CELF2: variants seen among roughly 807,000 people sequenced by gnomAD.
CELF2 encodes CUG triplet repeat RNA-binding protein 2.
In CELF2, 8 loss-of-function variants were observed where a neutral mutation model predicts 62.6. The ratio of observed to expected loss-of-function variants is 0.13; its 90% CI spans 0.07 to 0.23. CELF2 has a LOEUF of 0.23. Among genes scored for constraint, CELF2 ranks in the 10% least tolerant of loss-of-function variants. The probability of loss-of-function intolerance (pLI) is 1.00; values close to 1 mark genes in which losing one functional copy is unlikely to be tolerated. For missense variants in CELF2, 333 were observed against 671.0 expected (o/e 0.50, Z 5.56); for synonymous variants, 258 against 250.0 (o/e 1.03, Z -0.30).
chr10:10,956,736 G>A (rs1462400673), intron 2 of CELF2, among the ~76,000 whole-genome samples: 1 of 151,976 alleles, frequency 6.6e-6, no homozygotes, highest in Non-Finnish European at 1.5e-5. Flanking sequence ...AAACCAGCTT[G>A]GGCAACATAG....
At chr10:10,924,956 A>G (rs898695871) in intron 2 of CELF2, 11 of 152,318 alleles carry the variant, frequency 7.2e-5, no homozygotes, top group African/African-American at 2.6e-4. Flanking sequence ...TTTGTTATCT[A>G]AAATTTGAAC....
chr10:10,665,099 C>A, the CELF2 span, among the ~76,000 whole-genome samples: 1 of 152,090 alleles, frequency 6.6e-6, no homozygotes, highest in Admixed American at 6.5e-5. Flanking sequence ...TATTTGGGCC[C>A]CAGAGCCCCT....
chr10:10,638,684 A>C, the CELF2 span, among the ~76,000 whole-genome samples: 1 of 152,200 alleles, frequency 6.6e-6, no homozygotes, highest in Non-Finnish European at 1.5e-5. Context: ...GAGGAGCACA[A>C]GTCATTAGCC....
chr10:11,258,343 A>T (rs1422377870), intron 5 of CELF2, among the ~76,000 whole-genome samples: 1 of 152,102 alleles, frequency 6.6e-6, no homozygotes, highest in Non-Finnish European at 1.5e-5. Context: ...GCAGATAGGG[A>T]TGTAGGGTAA....
chr10:10,924,420 T>G (rs2065250008), intron 2 of CELF2, among the ~76,000 whole-genome samples: 1 of 152,080 alleles, frequency 6.6e-6, no homozygotes, highest in African/African-American at 2.4e-5. Context: ...GAGTCCACTG[T>G]TTTTCAACAT....
At chr10:10,813,592 G>A (rs560779964) in intron 1 of CELF2, among the ~76,000 whole-genome samples, 6 of 152,284 alleles carry the variant, frequency 3.9e-5, no homozygotes, top group South Asian at 4.1e-4. Flanking sequence ...TATTATTGTC[G>A]TTATTGAACA....
At chr10:10,875,184 G>A (rs992958712) in intron 1 of CELF2, among the ~76,000 whole-genome samples, 7 of 152,106 alleles carry the variant, frequency 4.6e-5, no homozygotes, top group Admixed American at 3.3e-4. Flanking sequence ...AATAAAATCC[G>A]ATATTCCGTC....
At chr10:11,278,694 T>C (rs554829789) in intron 8 of CELF2, among the ~76,000 whole-genome samples, 1 of 152,340 alleles carries the variant, frequency 6.6e-6, no homozygotes, top group Non-Finnish European at 1.5e-5. Flanking sequence ...ACTACCACTT[T>C]GTTACTACAT....
chr10:10,913,885 A>AGGAAGGAAGGAAG (rs141260316), intron 1 of CELF2, among the ~76,000 whole-genome samples: 8 of 27,938 alleles, frequency 2.9e-4, no homozygotes, highest in African/African-American at 4.0e-4. Context: ...GAAGGAAGGA[A>AGGAAGGAAGGAAG]GAAGGAAGGG....
exon 1 of CELF2, chr10:10,798,723 G>T (rs1005274054): frequency 5.0e-6 from 2 of 398,674 alleles, no homozygotes; most frequent in Non-Finnish European, 8.8e-6. Flanking sequence ...CCCCATCCCC[G>T]CCTCCTCCTC....
chr10:10,701,575 G>A, the CELF2 span, among the ~76,000 whole-genome samples: 3 of 152,204 alleles, frequency 2.0e-5, no homozygotes, highest in African/African-American at 7.2e-5. Context: ...CACAGGAAGT[G>A]CATGGAAAGG....
At chr10:10,464,833 A>G in the CELF2 span, among the ~76,000 whole-genome samples, 1 of 152,146 alleles carries the variant, frequency 6.6e-6, no homozygotes. Flanking sequence ...TATGTTAGTT[A>G]GATTTTACCC....
In CELF2 at chr10:11,092,626, A is replaced by C. The variant is rs530393834; in HGVS notation, c.75-72860A>C. ...TGGTTTTGAACTAAGGAGACTTAAC[A>C]AGGCTTGTTTGTTCAAATTCTTCTC... On this transcript the variant is annotated intron_variant, in intron 1 of 12. Coordinates refer to ENST00000633077, the MANE Select transcript of CELF2 (RefSeq NM_001326342.2). Among the ~76,000 whole-genome samples the C allele has an allele frequency of 3.1e-4, 47 of 152,354 alleles. No homozygotes were observed. In the South Asian group the frequency reaches 9.1e-3, roughly 30 times the overall value.
intron 3 of CELF2, among the ~76,000 whole-genome samples, chr10:11,240,904 AG>A (rs1367302471): frequency 6.6e-6 from 1 of 152,170 alleles, no homozygotes; most frequent in Non-Finnish European, 1.5e-5. Context: ...GGCGTGGGGT[AG>A]AGGCCTCAGG....
the CELF2 span, among the ~76,000 whole-genome samples, chr10:10,577,372 T>TATTATTATC: frequency 1.4e-5 from 2 of 142,130 alleles, no homozygotes; most frequent in South Asian, 4.2e-4. Flanking sequence ...TTTTTATTAT[T>TATTATTATC]ATTATTATTA....
chr10:10,900,230 G>A (rs1591682904), intron 1 of CELF2, among the ~76,000 whole-genome samples: 2 of 152,308 alleles, frequency 1.3e-5, no homozygotes, highest in South Asian at 4.1e-4. Context: ...TTCATTCTAT[G>A]AGACAAGCAT....
At chr10:10,705,214 C>G in the CELF2 span, among the ~76,000 whole-genome samples, 1 of 152,030 alleles carries the variant, frequency 6.6e-6, no homozygotes. Context: ...ATTTTCTTCC[C>G]TCCTATTCAT....
chr10:11,177,524 A>T lies in CELF2; in HGVS notation c.271+11842A>T, dbSNP rs141563844. 5.9e-5 allele frequency among the ~76,000 whole-genome samples: 9 copies of T among 152,140 alleles called. No individual in the cohort carries two copies. On this transcript the variant is annotated intron_variant, in intron 2 of 12. Transcript: ENST00000633077. The surrounding 1 kb of genome is among the most constrained non-coding windows in gnomAD (Gnocchi z 4.8). ...AGTGAAGAAATGTTGCTTAATTTGT[A>T]CACTTCCCTGCAGTGCTGGAAATGG... is the stretch of plus-strand genomic sequence containing the variant.
the CELF2 span, among the ~76,000 whole-genome samples, chr10:10,678,822 G>A: frequency 6.6e-6 from 1 of 152,176 alleles, no homozygotes; most frequent in Non-Finnish European, 1.5e-5. Context: ...GGAATCTACT[G>A]GGGATCTGAG....
Sources: gnomAD v4.1 joint callset for allele counts (sites outside exome capture counted in the v4.1 genomes callset) on GRCh38, gnomAD v4.1.1 for gene constraint, Gnocchi (gnomAD v3.1) non-coding constraint, MANE v1.5 for transcripts, NCBI Gene and HGNC (gene_info 2026-07-23, HGNC 2026-07-21) for gene names.